The following PTPN1 variants were observed in gnomAD, a reference collection of about 807,000 sequenced individuals.
PTPN1 encodes the protein protein tyrosine phosphatase non-receptor type 1, also known as tyrosine-protein phosphatase non-receptor type 1.
Under a neutral mutation model 59.9 loss-of-function variants are expected in PTPN1, and 12 were observed. The ratio of observed to expected loss-of-function variants is 0.20; its 90% CI spans 0.13 to 0.32. PTPN1 has a LOEUF of 0.32. PTPN1 is among the 10% of genes least tolerant of loss of function. The pLI, the probability that PTPN1 is intolerant of heterozygous loss-of-function variation, is 1.00. For missense variants in PTPN1, 356 were observed against 549.2 expected, an observed-to-expected ratio of 0.65 and a Z score of 3.52; for synonymous variants, 178 against 203.6, an observed-to-expected ratio of 0.87 and a Z score of 1.07.
In PTPN1 at chr20:50,579,919, A is replaced by G. The variant is rs1370899418; in HGVS notation, c.1081A>G (p.Ile361Val). The change falls in exon 8 of 10, where the codon ATC (isoleucine) becomes GTC (valine). Residue 361 changes from isoleucine to valine, a missense_variant. This residue lies in a region of PTPN1 where 100 missense variants were observed against 107.7 expected (regional missense o/e 0.93). Transcript: ENST00000371621. ...GSPLNAAPYG[I>V]ESMSQDTEVR... ...CCCCTTAAATGCCGCACCCTACGGC[A>G]TCGAAAGGTAATATGATTGGGTCCC... 6.2e-7 allele frequency: 1 copy of G among 1,613,534 alleles called. No individual in the cohort carries two copies. Among genetic ancestry groups the G allele is most frequent in the Middle Eastern group, 1.7e-4 (1 of 6,050 alleles).
chr20:50,510,443 CT>C lies in PTPN1; in HGVS notation c.-84del. On this transcript the variant is annotated 5_prime_UTR_variant, in exon 1 of 10. Coordinates refer to ENST00000371621, the MANE Select transcript of PTPN1 (RefSeq NM_002827.4). ...GCAGGGGTCGGGGATTGCAGCGGGC[CT>C]CGGGGCTAAGAGCGCGACGCGGCCT... 1 of 1,459,414 alleles carries C rather than the reference CT, an allele frequency of 6.9e-7. No homozygotes were observed. The highest frequency in any genetic ancestry group is 9.3e-7 in the Non-Finnish European group (1 of 1,080,310). The allele number at this position is 1,459,414 out of a possible 1,614,324, so 90.4% of individuals were successfully genotyped here. A position where few individuals can be genotyped will look rare whatever the true frequency, so the allele number is the denominator to read the frequency against.
intron 1 of PTPN1, among the ~76,000 whole-genome samples, chr20:50,550,010 T>C (rs752829237): frequency 7.9e-5 from 12 of 152,204 alleles, no homozygotes; most frequent in Non-Finnish European, 1.3e-4. Flanking sequence ...TAACAAAATT[T>C]GTTCAACATG....
intron 1 of PTPN1, among the ~76,000 whole-genome samples, chr20:50,551,057 T>C (rs759612815): frequency 6.6e-6 from 1 of 152,200 alleles, no homozygotes; most frequent in Non-Finnish European, 1.5e-5. Context: ...AGTTTGACTT[T>C]TTGCCTAATT....
chr20:50,564,481 C>A (rs1402073500), intron 2 of PTPN1, among the ~76,000 whole-genome samples: 1 of 152,120 alleles, frequency 6.6e-6, no homozygotes, highest in Admixed American at 6.5e-5. Context: ...GTAATCCCAG[C>A]TACTCGGGAG....
intron 9 of PTPN1, among the ~76,000 whole-genome samples, chr20:50,581,873 A>G (rs1039833075): frequency 8.5e-5 from 13 of 152,214 alleles, no homozygotes; most frequent in Admixed American, 5.9e-4. Flanking sequence ...GTAGGCACTT[A>G]TGAAACTTTC....
At chr20:50,516,206 G>A (rs1040015853) in intron 1 of PTPN1, among the ~76,000 whole-genome samples, 13 of 130,768 alleles carry the variant, frequency 9.9e-5, no homozygotes, top group Non-Finnish European at 1.1e-4. Flanking sequence ...ATAAAATAAC[G>A]ACTGTTACCA....
In PTPN1 at chr20:50,546,244, C is replaced by T. The variant is rs114678077; in HGVS notation, c.64-15119C>T. 3.0e-3 allele frequency among the ~76,000 whole-genome samples: 456 copies of T among 152,256 alleles called. 4 individuals carry two copies. Among genetic ancestry groups the T allele is most frequent in the African/African-American group, 8.6e-3 (357 of 41,540 alleles). On this transcript the variant is annotated intron_variant, in intron 1 of 9. Transcript: ENST00000371621. Reference sequence around the variant, plus strand: ...CTTGTTAATCTTCATATGCTTAGTGCTTGCCACATAGTTGATGCTCAGTCG... The same window carrying T: ...CTTGTTAATCTTCATATGCTTAGTGTTTGCCACATAGTTGATGCTCAGTCG...
chr20:50,523,190 T>G (rs568567338), intron 1 of PTPN1, among the ~76,000 whole-genome samples: 14 of 152,220 alleles, frequency 9.2e-5, no homozygotes, highest in African/African-American at 3.1e-4. Flanking sequence ...GGGAAATAGC[T>G]AGATGGAAGA....
intron 1 of PTPN1, among the ~76,000 whole-genome samples, chr20:50,547,992 A>G (rs543972343): frequency 6.6e-6 from 1 of 152,230 alleles, no homozygotes; most frequent in Non-Finnish European, 1.5e-5. Flanking sequence ...TTAATGCTCT[A>G]TTAAGCTTCC....
intron 3 of PTPN1, among the ~76,000 whole-genome samples, chr20:50,565,368 G>A (rs2082774094): frequency 6.6e-6 from 1 of 152,238 alleles, no homozygotes; most frequent in African/African-American, 2.4e-5. Context: ...GCCATGGCTG[G>A]AGGAGGGTCT....
At position 50,579,729 on chromosome 20, in the gene PTPN1, G is replaced by C; in HGVS notation, c.891G>C (p.Glu297Asp). The C allele has an allele frequency of 6.2e-7, 1 of 1,612,642 alleles. No individual in the cohort carries two copies. Among genetic ancestry groups the C allele is most frequent in the Non-Finnish European group, 8.5e-7 (1 of 1,179,896 alleles). ...ATCAGTGGAAGGAGCTTTCCCACGAGGACCTGGAGCCCCCACCCGAGCATA... is the reference window on the plus strand; with the variant it reads ...ATCAGTGGAAGGAGCTTTCCCACGACGACCTGGAGCCCCCACCCGAGCATA... ...VQDQWKELSHEDLEPPPEHIP... is the reference protein window; with the variant it reads ...VQDQWKELSHDDLEPPPEHIP... The change falls in exon 8 of 10, where the codon GAG becomes GAC. Residue 297 changes from glutamate to aspartate, a missense_variant. Physicochemically the swap from Glu to Asp is conservative, Grantham distance 45. Transcript: ENST00000371621.
chr20:50,558,816 G>A (rs913501142), intron 1 of PTPN1, among the ~76,000 whole-genome samples: 3 of 152,082 alleles, frequency 2.0e-5, no homozygotes, highest in Admixed American at 6.5e-5. Flanking sequence ...TCCCGTGTCT[G>A]TCATGTAGTT....
At chr20:50,538,250 A>T (rs529065794) in intron 1 of PTPN1, among the ~76,000 whole-genome samples, 1 of 152,292 alleles carries the variant, frequency 6.6e-6, no homozygotes, top group South Asian at 2.1e-4. Context: ...GAAATGTGAA[A>T]AGGAAGTTGT....
chr20:50,545,763 C>T (rs1440348471), intron 1 of PTPN1, among the ~76,000 whole-genome samples: 3 of 152,016 alleles, frequency 2.0e-5, no homozygotes, highest in African/African-American at 7.3e-5. Context: ...CACCTGTAAT[C>T]CCAGCACTTT....
At chr20:50,551,408 A>G (rs760855506) in intron 1 of PTPN1, among the ~76,000 whole-genome samples, 3 of 152,160 alleles carry the variant, frequency 2.0e-5, no homozygotes, top group Non-Finnish European at 2.9e-5. Context: ...TTTTTCTCTC[A>G]TGACAATGGT....
Position 50,568,973 on chromosome 20 carries a change from T to C in PTPN1, c.354+495T>C, listed in dbSNP as rs2082792978. Among the ~76,000 whole-genome samples, 1 of 152,186 alleles carries C rather than the reference T, an allele frequency of 6.6e-6. No individual in the cohort carries two copies. Among genetic ancestry groups the C allele is most frequent in the East Asian group, 1.9e-4 (1 of 5,194 alleles). ...CTGCCACACCTCTTCGGAGTGAGCA[T>C]TGACTTCAGGATGTGTGTCATTCTA... On this transcript the variant is annotated intron_variant, in intron 4 of 9. Coordinates refer to ENST00000371621, the MANE Select transcript of PTPN1 (RefSeq NM_002827.4). The surrounding 1 kb of genome is among the most constrained non-coding windows in gnomAD (Gnocchi z 5.6).
At position 50,521,538 on chromosome 20, in the gene PTPN1, A is replaced by G. The variant is rs562586124; in HGVS notation, c.63+10948A>G. Among the ~76,000 whole-genome samples the G allele has an allele frequency of 2.6e-5, 4 of 152,342 alleles. No individual in the cohort carries two copies. The East Asian group carries it at 7.7e-4, about 29-fold the overall frequency. On this transcript the variant is annotated intron_variant, in intron 1 of 9. Transcript: ENST00000371621. ...GTGTGGCCACTGCTTCAGCTTCCAC[A>G]TACATGGCTGTGAAGAGAGACAGGG...
At position 50,565,080 on chromosome 20, in the gene PTPN1, T is replaced by G; in HGVS notation, c.255+11T>G. On this transcript the variant is annotated intron_variant, in intron 3 of 9. Transcript: ENST00000371621. ...TACATTCTTACCCAGGTAAGCAGAT[T>G]GTCTGAATTTTCTATTTAATGTCAA... is the stretch of plus-strand genomic sequence containing the variant. 1 of 1,602,562 alleles carries G rather than the reference T, an allele frequency of 6.2e-7. No individual in the cohort carries two copies. Among genetic ancestry groups the G allele is most frequent in the Non-Finnish European group, 8.5e-7 (1 of 1,176,776 alleles).
At chr20:50,524,266 C>G (rs1490589852) in intron 1 of PTPN1, among the ~76,000 whole-genome samples, 2 of 152,074 alleles carry the variant, frequency 1.3e-5, no homozygotes, top group Non-Finnish European at 2.9e-5. Flanking sequence ...CCCTAGAACA[C>G]CAACAACAGT....
Sources: allele counts gnomAD v4.1 joint callset (sites outside exome capture counted in the v4.1 genomes callset), GRCh38; gene constraint gnomAD v4.1.1; regional missense constraint gnomAD v4.1.1; non-coding constraint Gnocchi (gnomAD v3.1); transcripts MANE v1.5; gene names NCBI Gene and HGNC (gene_info 2026-07-23, HGNC 2026-07-21).